RNF213: variants seen among roughly 807,000 people sequenced by gnomAD.
The protein encoded by RNF213 is E3 ubiquitin-protein ligase RNF213.
RNF213 carries 341 observed loss-of-function variants against 514.4 expected under a neutral mutation model. The ratio of observed to expected loss-of-function variants is 0.66; its 90% CI spans 0.61 to 0.73. The LOEUF is 0.73. RNF213 is among the 30% of genes least tolerant of loss of function. The pLI is 0.00. For missense variants in RNF213, 5,767 were observed against 6,615.6 expected (o/e 0.87, Z 4.45); for synonymous variants, 2,655 against 2,658.2 (o/e 1.00, Z 0.04).
Position 80,346,526 on chromosome 17 carries a change from C to G in RNF213, c.8191C>G (p.Leu2731Val), listed in dbSNP as rs765128580. 1 of 1,613,550 alleles carries G rather than the reference C, an allele frequency of 6.2e-7. No individual in the cohort carries two copies. The highest frequency in any genetic ancestry group is 8.5e-7 in the Non-Finnish European group (1 of 1,180,034). The change falls in exon 29 of 68, where the codon CTT (leucine) becomes GTT (valine). Residue 2731 changes from leucine to valine, a missense_variant. Transcript: ENST00000582970. This position sits in a 1 kb window ranked among gnomAD's most constrained non-coding sequence, Gnocchi z 8.1. ...LLDEITRAQD[L>V]FLDGVPLRKT... Reference sequence around the variant, plus strand: ...GGATGAAATAACACGGGCACAGGATCTTTTTCTGGACGGCGTACCTCTGAG... The same window carrying G: ...GGATGAAATAACACGGGCACAGGATGTTTTTCTGGACGGCGTACCTCTGAG...
chr17:80,289,626 C>G (rs1318980360), intron 5 of RNF213, 33 bp from the exon 6 acceptor site: 1 of 1,607,482 alleles, frequency 6.2e-7, no homozygotes, highest in Non-Finnish European at 8.5e-7. Context: ...TGGAGGCCGG[C>G]CTTCAAGGTC....
At chr17:80,273,145 G>A (rs1419593439) in intron 2 of RNF213, 96 bp from the exon 3 acceptor site, 1 of 1,504,180 alleles carries the variant, frequency 6.6e-7, no homozygotes, top group African/African-American at 1.4e-5. Context: ...AGAACAGGGT[G>A]AATCTCTCCA....
chr17:80,335,976 CAA>C (rs11340394), intron 22 of RNF213, among the ~76,000 whole-genome samples, 183 bp from the exon 23 acceptor site: 233 of 118,390 alleles, frequency 2.0e-3, no homozygotes, highest in Middle Eastern at 4.3e-3. Context: ...GACTCTGTCT[CAA>C]AAAAAAAAAA....
intron 14 of RNF213, among the ~76,000 whole-genome samples, chr17:80,311,199 C>G (rs1157633522): frequency 6.6e-6 from 1 of 152,160 alleles, no homozygotes; most frequent in Non-Finnish European, 1.5e-5. Context: ...TAAAAGCAAA[C>G]AAACAAACAA....
chr17:80,289,884 C>T (rs768396148), intron 6 of RNF213, 47 bp downstream of exon 6: 7 of 1,542,584 alleles, frequency 4.5e-6, no homozygotes, highest in Non-Finnish European at 6.2e-6. Context: ...GCCTGAGAGC[C>T]CGGCACACCC....
Position 80,288,068 on chromosome 17 carries a change from G to T in RNF213, c.515G>T (p.Ser172Ile). The change falls in exon 4 of 68, where the codon AGC (serine) becomes ATC (isoleucine). Residue 172 changes from serine to isoleucine, a missense_variant. Around this residue, in one of 13 missense-constraint regions of RNF213, gnomAD observed 509 missense variants for 496.7 expected, o/e 1.02. Transcript: ENST00000582970. The surrounding 1 kb of genome is among the most constrained non-coding windows in gnomAD (Gnocchi z 4.9). ...TCCGCGCCCACCGAGGTTGGCGACA[G>T]CCCCCTGCAGGCCCAGGCTTTGGGA... is the stretch of plus-strand genomic sequence containing the variant. Reference protein sequence around the residue: ...GLSAPTEVGDSPLQAQALGEA... With the variant: ...GLSAPTEVGDIPLQAQALGEA... 1.2e-6 allele frequency: 2 copies of T among 1,608,412 alleles called. No individual in the cohort carries two copies. The highest frequency in any genetic ancestry group is 1.7e-6 in the Non-Finnish European group (2 of 1,176,752).
intron 2 of RNF213, among the ~76,000 whole-genome samples, chr17:80,270,302 T>C (rs1253560269): frequency 6.6e-6 from 1 of 152,202 alleles, no homozygotes; most frequent in Non-Finnish European, 1.5e-5. Flanking sequence ...TGCCGTGACA[T>C]AGGCTGCTAG....
chr17:80,388,390 T>G (rs987717667), intron 63 of RNF213: 1 of 574,178 alleles, frequency 1.7e-6, no homozygotes, highest in African/African-American at 1.9e-5. Context: ...TGTGACAATA[T>G]CTTGTCATGT....
Position 80,288,888 on chromosome 17 carries a change from G to C in RNF213, c.933+133G>C. Reference sequence around the variant, plus strand: ...TGATTCAGACAAAGCTCTGGCCTTCGGGGTGCTCACATTCCAGCGGAGAGA... The same window carrying C: ...TGATTCAGACAAAGCTCTGGCCTTCCGGGTGCTCACATTCCAGCGGAGAGA... On this transcript the variant is annotated intron_variant, in intron 5 of 67. Coordinates refer to ENST00000582970, the MANE Select transcript of RNF213 (RefSeq NM_001256071.3). This position sits in a 1 kb window ranked among gnomAD's most constrained non-coding sequence, Gnocchi z 4.9. 2.0e-6 allele frequency: 3 copies of C among 1,474,662 alleles called. No homozygotes were observed. Among genetic ancestry groups the C allele is most frequent in the Non-Finnish European group, 2.8e-6 (3 of 1,075,710 alleles). The allele number at this position is 1,474,662 out of a possible 1,614,324, so 91.3% of individuals were successfully genotyped here.
chr17:80,317,281 C>T lies in RNF213; in HGVS notation c.2901+4C>T. 1.2e-6 allele frequency: 2 copies of T among 1,611,728 alleles called. No individual in the cohort carries two copies. The highest frequency in any genetic ancestry group is 1.7e-6 in the Non-Finnish European group (2 of 1,179,504). On this transcript the variant is annotated splice_donor_region_variant and intron_variant, in intron 16 of 67. Transcript: ENST00000582970. The surrounding 1 kb of genome is among the most constrained non-coding windows in gnomAD (Gnocchi z 4.1). ...CATGGAATGGAGGCTCACAAAGGTACCAAAAGTTTGGGGGCAGTCTTTTCA... is the reference window on the plus strand; with the variant it reads ...CATGGAATGGAGGCTCACAAAGGTATCAAAAGTTTGGGGGCAGTCTTTTCA...
rs1022065256 is a variant in RNF213, at chr17:80,385,412, C to T, written c.14456-126C>T. On this transcript the variant is annotated intron_variant, in intron 60 of 67. Transcript: ENST00000582970. Reference sequence around the variant, plus strand: ...CTCGGCTCACTCCTTCAAACAGCACCTCAGACATGCTTGTGACTGCACAAA... The same window carrying T: ...CTCGGCTCACTCCTTCAAACAGCACTTCAGACATGCTTGTGACTGCACAAA... The T allele has an allele frequency of 1.3e-5, 12 of 943,032 alleles. No homozygotes were observed. In the African/African-American group the frequency reaches 1.5e-4, roughly 12 times the overall value. The allele number at this position is 943,032 out of a possible 1,614,324, so 58.4% of individuals were successfully genotyped here. A position where few individuals can be genotyped will look rare whatever the true frequency, so the allele number is the denominator to read the frequency against.
rs544305759 is a variant in RNF213, at chr17:80,339,624, G to A, written c.5257G>A (p.Ala1753Thr). The change falls in exon 26 of 68, where the codon GCC (alanine) becomes ACC (threonine). Residue 1753 changes from alanine (A) to threonine (T), a missense_variant. Ala to Thr is a moderately conservative substitution (Grantham distance 58). Coordinates refer to ENST00000582970, the MANE Select transcript of RNF213 (RefSeq NM_001256071.3). ...RASVGCGSEA[A>T]RYRMRRVMEE... is the part of the protein sequence containing the mutation. ...CTCTGTGGGGTGTGGGAGTGAGGCCGCCAGGTACCGCATGAGGAGAGTCAT... is the reference window on the plus strand; with the variant it reads ...CTCTGTGGGGTGTGGGAGTGAGGCCACCAGGTACCGCATGAGGAGAGTCAT... 24 of 1,537,156 alleles carry A rather than the reference G, an allele frequency of 1.6e-5. No homozygotes were observed. The highest frequency in any genetic ancestry group is 7.3e-5 in the East Asian group (3 of 40,908).
chr17:80,298,591 G>A (rs776833798), intron 11 of RNF213, 73 bp downstream of exon 11: 15 of 1,528,476 alleles, frequency 9.8e-6, no homozygotes, highest in South Asian at 5.7e-5. Flanking sequence ...CCGGAGTCCC[G>A]GTGGGCTCTG....
chr17:80,322,654 A>G (rs1284879881), intron 17 of RNF213, among the ~76,000 whole-genome samples: 1 of 152,114 alleles, frequency 6.6e-6, no homozygotes, highest in Non-Finnish European at 1.5e-5. Flanking sequence ...GACTCACATG[A>G]ACCTCCCTCC....
chr17:80,281,563 AC>A (rs1260821907), intron 3 of RNF213, among the ~76,000 whole-genome samples: 2 of 55,994 alleles, frequency 3.6e-5, no homozygotes, highest in Non-Finnish European at 8.6e-5. Flanking sequence ...CCCAAGACAA[AC>A]GCCCCACTCA....
At chr17:80,271,991 AAAAAG>A (rs894380573) in intron 2 of RNF213, among the ~76,000 whole-genome samples, 16 of 132,502 alleles carry the variant, frequency 1.2e-4, no homozygotes, top group African/African-American at 4.4e-4. Context: ...AAAAAGAAGA[AAAAAG>A]AAAAGAGGCC....
intron 12 of RNF213, among the ~76,000 whole-genome samples, chr17:80,306,801 G>A (rs916491451): frequency 1.3e-5 from 2 of 149,974 alleles, no homozygotes; most frequent in African/African-American, 2.5e-5. Flanking sequence ...GCAGTGAGCC[G>A]AGATCACGCC....
chr17:80,333,648 C>T (rs567071221), intron 21 of RNF213, among the ~76,000 whole-genome samples: 53 of 150,882 alleles, frequency 3.5e-4, no homozygotes, highest in African/African-American at 1.3e-3. Context: ...GAACCGAGAT[C>T]GTGCCACTGC....
intron 42 of RNF213, among the ~76,000 whole-genome samples, chr17:80,365,864 C>T (rs1404430923): frequency 6.6e-6 from 1 of 152,222 alleles, no homozygotes; most frequent in African/African-American, 2.4e-5. Flanking sequence ...TGCCCATAAA[C>T]CCAAAGGTAA....
Sources: allele counts gnomAD v4.1 joint callset (sites outside exome capture counted in the v4.1 genomes callset), GRCh38; gene constraint gnomAD v4.1.1; regional missense constraint gnomAD v4.1.1; non-coding constraint Gnocchi (gnomAD v3.1); transcripts MANE v1.5; gene names NCBI Gene and HGNC (gene_info 2026-07-23, HGNC 2026-07-21).